SH3BGRL2: variants seen among roughly 807,000 people sequenced by gnomAD.
SH3BGRL2 encodes the protein SH3 domain binding glutamate rich protein like 2.
SH3BGRL2 carries 21 observed loss-of-function variants against 14.8 expected under a neutral mutation model. The observed-to-expected ratio is 1.42, with a 90% CI of 1.01 to 2.05. SH3BGRL2 has a LOEUF of 2.05. Among genes scored for constraint, SH3BGRL2 ranks in the 30% most tolerant of loss-of-function variants. The pLI is 0.00. For missense variants in SH3BGRL2, 147 were observed against 130.8 expected (o/e 1.12, Z -0.61); for synonymous variants, 50 against 47.8 (o/e 1.05, Z -0.19).
chr6:79,689,817 T>A (rs1241541689), intron 2 of SH3BGRL2, among the ~76,000 whole-genome samples: 1 of 152,190 alleles, frequency 6.6e-6, no homozygotes, highest in Non-Finnish European at 1.5e-5. Flanking sequence ...TACCTTGCCT[T>A]TTGCTCTTTT....
chr6:79,696,543 T>C lies in SH3BGRL2; in HGVS notation c.290T>C (p.Leu97Pro). 1 of 1,572,056 alleles carries C rather than the reference T, an allele frequency of 6.4e-7. No individual in the cohort carries two copies. Among genetic ancestry groups the C allele is most frequent in the Admixed American group, 2.1e-5 (1 of 47,730 alleles). Residue 97 changes from leucine to proline, a missense_variant, in exon 3 of 4, where the codon CTG (leucine) becomes CCG (proline). Leu to Pro is a moderately conservative substitution (Grantham distance 98). Transcript: ENST00000369838. The part of the protein sequence containing the change: ...ESNTVFSFLG[L>P]KPRLASKAEP The stretch of plus-strand genomic sequence containing the variant: ...AACACAGTCTTTTCATTTTTAGGCC[T>C]GAAACCACGGTTGGCATCAAAGGTA...
At chr6:79,636,751 T>C (rs1209844030) in intron 1 of SH3BGRL2, among the ~76,000 whole-genome samples, 13 of 152,158 alleles carry the variant, frequency 8.5e-5, no homozygotes, top group Non-Finnish European at 1.8e-4. Context: ...ATTCCTTGGC[T>C]TGTAGATGTA....
At position 79,699,551 on chromosome 6, in the gene SH3BGRL2, C is replaced by A; in HGVS notation, c.*42C>A. The A allele has an allele frequency of 3.9e-6, 6 of 1,549,222 alleles. No homozygotes were observed. The highest frequency in any genetic ancestry group is 5.2e-6 in the Non-Finnish European group (6 of 1,155,556). On this transcript the variant is annotated 3_prime_UTR_variant, in exon 4 of 4. Coordinates refer to ENST00000369838, the MANE Select transcript of SH3BGRL2 (RefSeq NM_031469.4). The stretch of plus-strand genomic sequence containing the variant: ...ATGACGGAGATGCATTTTGAAGCAC[C>A]CCTGGTACTCAGCACACACATGCTT...
chr6:79,660,509 A>C (rs1053809983), intron 1 of SH3BGRL2, among the ~76,000 whole-genome samples: 3 of 152,130 alleles, frequency 2.0e-5, no homozygotes, highest in African/African-American at 7.2e-5. Flanking sequence ...GTGGTGGATA[A>C]GCTTTTTGAT....
At chr6:79,660,808 G>A (rs1205877634) in intron 1 of SH3BGRL2, among the ~76,000 whole-genome samples, 13 of 151,998 alleles carry the variant, frequency 8.6e-5, no homozygotes, top group East Asian at 1.9e-4. Flanking sequence ...TTATTGCCTC[G>A]ATTTCAGAAC....
At chr6:79,696,619 C>T in intron 3 of SH3BGRL2, 54 bp downstream of exon 3, 2 of 1,339,340 alleles carry the variant, frequency 1.5e-6, no homozygotes, top group Non-Finnish European at 2.1e-6. Context: ...TTGAATTTTT[C>T]TTAGAGATGT....
chr6:79,681,711 T>A (rs1037803714), intron 2 of SH3BGRL2, among the ~76,000 whole-genome samples: 106 of 152,220 alleles, frequency 7.0e-4, no homozygotes, highest in African/African-American at 2.5e-3. Flanking sequence ...GTAAGACTTT[T>A]GGGAACACTA....
chr6:79,576,537 A>G, the SH3BGRL2 span, among the ~76,000 whole-genome samples: 1 of 152,172 alleles, frequency 6.6e-6, no homozygotes, highest in East Asian at 1.9e-4. Flanking sequence ...GGTCTAATCA[A>G]TAGTTTATTT....
At chr6:79,549,919 G>A in the SH3BGRL2 span, among the ~76,000 whole-genome samples, 4 of 152,052 alleles carry the variant, frequency 2.6e-5, no homozygotes, top group Non-Finnish European at 4.4e-5. Context: ...ACACAGACAC[G>A]TTTGTGTCAT....
At chr6:79,698,896 C>T (rs1770386355) in intron 3 of SH3BGRL2, among the ~76,000 whole-genome samples, 1 of 151,992 alleles carries the variant, frequency 6.6e-6, no homozygotes, top group South Asian at 2.1e-4. Flanking sequence ...TTAGTAGACC[C>T]CAAGAAGGGC....
intron 1 of SH3BGRL2, among the ~76,000 whole-genome samples, chr6:79,665,538 T>C (rs1769640033): frequency 6.6e-6 from 1 of 152,190 alleles, no homozygotes; most frequent in African/African-American, 2.4e-5. Flanking sequence ...TGATTTACCA[T>C]ATTATAAACA....
chr6:79,691,868 C>T (rs1770224762), intron 2 of SH3BGRL2, among the ~76,000 whole-genome samples: 2 of 151,742 alleles, frequency 1.3e-5, no homozygotes, highest in East Asian at 3.9e-4. Context: ...TGGGTATATA[C>T]CCAGTAATGG....
the SH3BGRL2 span, among the ~76,000 whole-genome samples, chr6:79,549,035 C>T: frequency 5.9e-5 from 9 of 152,200 alleles, no homozygotes; most frequent in Admixed American, 4.6e-4. Context: ...GGAAATTATT[C>T]GTAGTGTCAC....
the SH3BGRL2 span, among the ~76,000 whole-genome samples, chr6:79,609,154 T>C: frequency 6.6e-6 from 1 of 152,198 alleles, no homozygotes; most frequent in Non-Finnish European, 1.5e-5. Context: ...TTCCCTTGTG[T>C]GATAAGCTCC....
the SH3BGRL2 span, among the ~76,000 whole-genome samples, chr6:79,597,542 G>A: frequency 1.3e-5 from 2 of 152,072 alleles, no homozygotes; most frequent in African/African-American, 2.4e-5. Context: ...TTCAAGAAAT[G>A]GTGCTGAGAC....
upstream of SH3BGRL2, among the ~76,000 whole-genome samples, chr6:79,629,887 TTAACTA>T (rs1768791285): frequency 6.6e-6 from 1 of 152,232 alleles, no homozygotes; most frequent in Non-Finnish European, 1.5e-5. Flanking sequence ...TTATTTGAGT[TTAACTA>T]TATCTTCATA....
chr6:79,538,229 G>C, the SH3BGRL2 span, among the ~76,000 whole-genome samples: 3 of 151,748 alleles, frequency 2.0e-5, no homozygotes, highest in African/African-American at 4.8e-5. Context: ...CACTACTCTG[G>C]TGTTCTCACT....
the SH3BGRL2 span, among the ~76,000 whole-genome samples, chr6:79,598,299 C>G: frequency 1.3e-5 from 2 of 152,124 alleles, no homozygotes; most frequent in Non-Finnish European, 2.9e-5. Flanking sequence ...CATGAACGTT[C>G]ATGGCAACAT....
chr6:79,581,699 A>C, the SH3BGRL2 span, among the ~76,000 whole-genome samples: 1 of 152,188 alleles, frequency 6.6e-6, no homozygotes, highest in Non-Finnish European at 1.5e-5. Flanking sequence ...AATGGGCAAA[A>C]ACTGGAAGCA....
Sources: allele counts gnomAD v4.1 joint callset (sites outside exome capture counted in the v4.1 genomes callset), GRCh38; gene constraint gnomAD v4.1.1; transcripts MANE v1.5; gene names NCBI Gene and HGNC (gene_info 2026-07-23, HGNC 2026-07-21).